STXBP3: variants seen among roughly 807,000 people sequenced by gnomAD.
STXBP3 encodes syntaxin binding protein 3, also known as syntaxin-binding protein 3.
STXBP3 carries 41 observed loss-of-function variants against 85.7 expected under a neutral mutation model. That is an observed-to-expected ratio of 0.48 (90% CI 0.37 to 0.62). STXBP3 has a LOEUF of 0.62. Among genes scored for constraint, STXBP3 ranks in the 20% least tolerant of loss-of-function variants. The pLI is 0.00. For synonymous variants in STXBP3, 229 were observed against 231.7 expected (o/e 0.99, Z 0.10); for missense variants, 563 against 703.1 (o/e 0.80, Z 2.25).
intron 6 of STXBP3, among the ~76,000 whole-genome samples, chr1:108,768,270 T>G (rs1210520741): frequency 6.6e-6 from 1 of 152,090 alleles, no homozygotes; most frequent in Non-Finnish European, 1.5e-5. Context: ...CAGGTTTTGT[T>G]AGGTTTTGTT....
In STXBP3 at chr1:108,782,707, GT is replaced by G; in HGVS notation, c.963+2del. On this transcript the variant is annotated splice_donor_variant, in intron 11 of 18. Transcript: ENST00000370008. LOFTEE classifies it high-confidence loss of function. ...AACAAAGAAAGCAACAGAAGGAAAG[GT>G]AAGAGTCTTACTTAACTTTCAAAGT... The G allele has an allele frequency of 6.3e-7, 1 of 1,598,082 alleles. No individual in the cohort carries two copies. The highest frequency in any genetic ancestry group is 8.5e-7 in the Non-Finnish European group (1 of 1,173,656).
At chr1:108,758,481 A>G (rs753923506) in intron 4 of STXBP3, 29 bp from the exon 5 acceptor site, 2 of 1,130,388 alleles carry the variant, frequency 1.8e-6, no homozygotes, top group Middle Eastern at 2.2e-4. Context: ...ATTTAATAAA[A>G]TGTGTATTAA....
At chr1:108,782,295 C>G (rs1662732182) in intron 9 of STXBP3, 127 bp from the exon 10 acceptor site, 4 of 684,442 alleles carry the variant, frequency 5.8e-6, no homozygotes, top group Non-Finnish European at 9.9e-6. Context: ...TCATTACCCC[C>G]CTAAAATAGT....
intron 11 of STXBP3, among the ~76,000 whole-genome samples, chr1:108,787,429 C>T (rs1174203968): frequency 6.6e-6 from 1 of 152,164 alleles, no homozygotes; most frequent in African/African-American, 2.4e-5. Flanking sequence ...CTCTTTTCCA[C>T]TTATCACTAG....
At chr1:108,802,945 T>C (rs1225091764) in intron 17 of STXBP3, among the ~76,000 whole-genome samples, 1 of 152,228 alleles carries the variant, frequency 6.6e-6, no homozygotes, top group African/African-American at 2.4e-5. Flanking sequence ...AGTTGGTATA[T>C]AGTTATATGA....
chr1:108,789,504 A>G (rs184745201), intron 11 of STXBP3, among the ~76,000 whole-genome samples: 7 of 143,770 alleles, frequency 4.9e-5, no homozygotes, highest in African/African-American at 7.8e-5. Flanking sequence ...CTTCTGTTCT[A>G]TTGTATATAT....
At chr1:108,794,778 A>G (rs112053464) in intron 12 of STXBP3, 49 bp from the exon 13 acceptor site, 3 of 1,549,360 alleles carry the variant, frequency 1.9e-6, no homozygotes, top group Non-Finnish European at 2.6e-6. Context: ...TACCAGTTGC[A>G]CAAAAGTCAT....
At chr1:108,796,416 C>A in intron 14 of STXBP3, 44 bp downstream of exon 14, 1 of 1,351,570 alleles carries the variant, frequency 7.4e-7, no homozygotes, top group Non-Finnish European at 1.0e-6. Context: ...TACTATTGAT[C>A]ATAAAAGAAT....
chr1:108,766,662 G>T (rs1557803876), intron 6 of STXBP3, among the ~76,000 whole-genome samples: 1 of 152,208 alleles, frequency 6.6e-6, no homozygotes, highest in Non-Finnish European at 1.5e-5. Flanking sequence ...CCAGTGAGAG[G>T]TTGGTTGTCA....
intron 1 of STXBP3, among the ~76,000 whole-genome samples, chr1:108,751,913 C>T (rs1466790056): frequency 2.6e-5 from 4 of 151,842 alleles, no homozygotes; most frequent in Non-Finnish European, 5.9e-5. Context: ...AGGATGTTCC[C>T]GTGGGTTTTT....
rs191663462 is a variant in STXBP3, at chr1:108,773,434, T to A, written c.593+615T>A. ...AAACAAGAATTAAGTTCCTTGGTTATGTAATGTCACCAAACTTCTACATAA... is the reference window on the plus strand; with the variant it reads ...AAACAAGAATTAAGTTCCTTGGTTAAGTAATGTCACCAAACTTCTACATAA... On this transcript the variant is annotated intron_variant, in intron 7 of 18. Coordinates refer to ENST00000370008, the MANE Select transcript of STXBP3 (RefSeq NM_007269.4). 8.5e-5 allele frequency among the ~76,000 whole-genome samples: 13 copies of A among 152,316 alleles called. No individual in the cohort carries two copies. The East Asian group carries it at 2.5e-3, about 29-fold the overall frequency.
chr1:108,805,365 G>A (rs1424072684), intron 17 of STXBP3, among the ~76,000 whole-genome samples: 1 of 150,790 alleles, frequency 6.6e-6, no homozygotes, highest in African/African-American at 2.4e-5. Flanking sequence ...GTTGTTCACT[G>A]CCTCATTCTT....
chr1:108,772,863 A>T lies in STXBP3; in HGVS notation c.593+44A>T, dbSNP rs373037751. 3.4e-6 allele frequency: 5 copies of T among 1,456,914 alleles called. No individual in the cohort carries two copies. In the African/African-American group the frequency reaches 7.2e-5, roughly 21 times the overall value. The allele number at this position is 1,456,914 out of a possible 1,614,324, so 90.2% of individuals were successfully genotyped here. A position where few individuals can be genotyped will look rare whatever the true frequency, so the allele number is the denominator to read the frequency against. ...GCACATGTTATGCTTCCTATTTACCATTCATTATAGAGGTAAGTAATGTGT... is the reference window on the plus strand; with the variant it reads ...GCACATGTTATGCTTCCTATTTACCTTTCATTATAGAGGTAAGTAATGTGT... On this transcript the variant is annotated intron_variant, in intron 7 of 18. Transcript: ENST00000370008.
intron 11 of STXBP3, among the ~76,000 whole-genome samples, chr1:108,793,130 A>G (rs2101130785): frequency 8.6e-6 from 1 of 116,854 alleles, no homozygotes; most frequent in East Asian, 2.7e-4. Flanking sequence ...CCCAAAATCT[A>G]CCTCACAGCC....
At chr1:108,769,900 G>A (rs1170527982) in intron 6 of STXBP3, among the ~76,000 whole-genome samples, 2 of 152,194 alleles carry the variant, frequency 1.3e-5, no homozygotes, top group South Asian at 2.1e-4. Context: ...TGAGGCCGAA[G>A]GGCTAGTCTG....
chr1:108,798,314 G>A, intron 16 of STXBP3, 77 bp downstream of exon 16: 1 of 1,180,570 alleles, frequency 8.5e-7, no homozygotes, highest in South Asian at 1.4e-5. Context: ...GTTTATGTCA[G>A]TCTGAGTATA....
At position 108,782,490 on chromosome 1, in the gene STXBP3, G is replaced by A. The variant is rs1662736787; in HGVS notation, c.878G>A (p.Arg293Gln). The change falls in exon 10 of 19, where the codon CGA becomes CAA. Residue 293 changes from arginine (R) to glutamine (Q), a missense_variant. Coordinates refer to ENST00000370008, the MANE Select transcript of STXBP3 (RefSeq NM_007269.4). ...GAAGATGACCTCTGGGTTAGAATTC[G>A]ACATCGACATATTGCGGTTGTGTTA... ...EEEDDLWVRI[R>Q]HRHIAVVLEE... 1.2e-6 allele frequency: 2 copies of A among 1,613,472 alleles called. No individual in the cohort carries two copies. The highest frequency in any genetic ancestry group is 1.1e-5 in the South Asian group (1 of 90,850).
intron 6 of STXBP3, among the ~76,000 whole-genome samples, chr1:108,770,072 T>C (rs1349938368): frequency 1.3e-5 from 2 of 152,108 alleles, no homozygotes; most frequent in African/African-American, 2.4e-5. Context: ...GAAGGATTGC[T>C]TGAGCCCAGG....
intron 3 of STXBP3, 199 bp downstream of exon 3, chr1:108,753,343 T>C (rs1342829495): frequency 2.8e-6 from 1 of 361,264 alleles, no homozygotes; most frequent in Non-Finnish European, 5.0e-6. Context: ...TTAAGACCTC[T>C]AACCAAGCCT....
Sources: allele counts gnomAD v4.1 joint callset (sites outside exome capture counted in the v4.1 genomes callset), GRCh38; gene constraint gnomAD v4.1.1; transcripts MANE v1.5; gene names NCBI Gene and HGNC (gene_info 2026-07-23, HGNC 2026-07-21).